BTBD1: variants seen among roughly 807,000 people sequenced by gnomAD.
The protein encoded by BTBD1 is BTB domain containing 1, also known as BTB/POZ domain-containing protein 1.
In BTBD1, 34 loss-of-function variants were observed where a neutral mutation model predicts 48.0. The ratio of observed to expected loss-of-function variants is 0.71; its 90% CI spans 0.54 to 0.94. The LOEUF (loss-of-function observed/expected upper bound fraction) is 0.94, where lower values mean the gene tolerates loss of function less well. BTBD1 is among the 40% of genes least tolerant of loss of function. BTBD1 has a pLI of 0.00. For missense variants in BTBD1, 543 were observed against 625.6 expected (o/e 0.87, Z 1.41); for synonymous variants, 261 against 242.1 (o/e 1.08, Z -0.72).
intron 3 of BTBD1, 26 bp downstream of exon 3, chr15:83,050,046 TA>T (rs1476401406): frequency 7.0e-7 from 1 of 1,434,296 alleles, no homozygotes; most frequent in African/African-American, 1.4e-5. Context: ...ACTTAAAATG[TA>T]ACAATTTACT....
At chr15:83,044,722 G>T in intron 3 of BTBD1, 4 of 1,469,748 alleles carry the variant, frequency 2.7e-6, no homozygotes, top group Non-Finnish European at 3.8e-6. Context: ...GTGGTGTACT[G>T]TGTCATGAAC....
At chr15:83,027,781 C>G (rs867647033) in intron 5 of BTBD1, among the ~76,000 whole-genome samples, 1 of 152,096 alleles carries the variant, frequency 6.6e-6, no homozygotes, top group Non-Finnish European at 1.5e-5. Flanking sequence ...TTAAAGAAAA[C>G]GTAAGTGGCA....
At chr15:83,057,804 C>G (rs145011926) in intron 1 of BTBD1, among the ~76,000 whole-genome samples, 3 of 152,378 alleles carry the variant, frequency 2.0e-5, no homozygotes, top group East Asian at 3.9e-4. Context: ...TAAACTCCGT[C>G]TCCAACTTCA....
Position 83,016,726 on chromosome 15 carries a change from G to C in BTBD1, c.*1341C>G, listed in dbSNP as rs529607551. 6.6e-6 allele frequency: 1 copy of C among 152,026 alleles called. No homozygotes were observed. The highest frequency in any genetic ancestry group is 1.9e-4 in the East Asian group (1 of 5,192). 9.4% of individuals were successfully genotyped at this position (152,026 alleles called of 1,614,324 possible). A position where few individuals can be genotyped will look rare whatever the true frequency, so the allele number is the denominator to read the frequency against. On this transcript the variant is annotated 3_prime_UTR_variant, in exon 8 of 8. Coordinates refer to ENST00000261721, the MANE Select transcript of BTBD1 (RefSeq NM_025238.4). Reference sequence around the variant, plus strand: ...TTCCATTTAACTGAGGTTTATATCCGTAAGAGCATTACCATAGAAAAATTT... The same window carrying C: ...TTCCATTTAACTGAGGTTTATATCCCTAAGAGCATTACCATAGAAAAATTT...
Position 83,029,862 on chromosome 15 carries a change from A to G in BTBD1, c.1055+274T>C. The stretch of plus-strand genomic sequence containing the variant: ...CCAGCCTGAGTGACAGAGCGACTCC[A>G]TCTTGGGGAAAAACAAAAAAATCAC... On this transcript the variant is annotated intron_variant, in intron 5 of 7. Transcript: ENST00000261721. The G allele has an allele frequency of 7.7e-6, 3 of 387,288 alleles. No homozygotes were observed. In the East Asian group the frequency reaches 1.7e-4, roughly 22 times the overall value. 24.0% of individuals were successfully genotyped at this position (387,288 alleles called of 1,614,324 possible).
At chr15:83,063,748 C>T (rs2033213221) in intron 1 of BTBD1, among the ~76,000 whole-genome samples, 1 of 152,208 alleles carries the variant, frequency 6.6e-6, no homozygotes, top group Non-Finnish European at 1.5e-5. Context: ...TCATTTTCTA[C>T]CACTTCCCTC....
In BTBD1 at chr15:83,054,176, C is replaced by A. The variant is rs1056492344; in HGVS notation, c.558+2213G>T. ...CAACATGGGGAAACCCCGTTCCTAC[C>A]AAAATAAAAAAATTAGCCAGGCGTG... is the stretch of plus-strand genomic sequence containing the variant. On this transcript the variant is annotated intron_variant, in intron 2 of 7. Transcript: ENST00000261721. 1.2e-4 allele frequency among the ~76,000 whole-genome samples: 18 copies of A among 151,936 alleles called. No individual in the cohort carries two copies. The South Asian group carries it at 3.7e-3, about 32-fold the overall frequency.
chr15:83,019,716 T>TC (rs1438121135), intron 6 of BTBD1, among the ~76,000 whole-genome samples: 1 of 150,226 alleles, frequency 6.7e-6, no homozygotes, highest in African/African-American at 2.5e-5. Flanking sequence ...TATCTCAGCC[T>TC]CCCGAGTAGC....
At chr15:83,032,332 A>C (rs2032533463) in intron 4 of BTBD1, among the ~76,000 whole-genome samples, 1 of 152,146 alleles carries the variant, frequency 6.6e-6, no homozygotes, top group African/African-American at 2.4e-5. Context: ...AAAAAAAAAA[A>C]AGAACTAAAA....
intron 4 of BTBD1, among the ~76,000 whole-genome samples, chr15:83,037,167 G>C (rs754283655): frequency 4.6e-5 from 7 of 151,876 alleles, no homozygotes; most frequent in Non-Finnish European, 1.0e-4. Flanking sequence ...ATCAATGTAA[G>C]ATAAACCAGT....
At chr15:83,018,359 G>C in intron 7 of BTBD1, 134 bp from the exon 8 acceptor site, 1 of 781,114 alleles carries the variant, frequency 1.3e-6, no homozygotes, top group Admixed American at 3.8e-5. Context: ...GTCATTTAGA[G>C]AAAAATGAAG....
At chr15:83,021,767 A>AATAATG (rs1555438326) in intron 5 of BTBD1, among the ~76,000 whole-genome samples, 1 of 148,310 alleles carries the variant, frequency 6.7e-6, no homozygotes, top group African/African-American at 2.6e-5. Flanking sequence ...TAATAATAAT[A>AATAATG]ATACATATGG....
intron 1 of BTBD1, 26 bp downstream of exon 1, chr15:83,066,725 C>A: frequency 7.7e-7 from 1 of 1,305,476 alleles, no homozygotes; most frequent in South Asian, 2.2e-5. Context: ...CCGGCCCGGC[C>A]CGGCCCGGCC....
chr15:83,062,236 T>C (rs924500305), intron 1 of BTBD1, among the ~76,000 whole-genome samples: 1 of 152,146 alleles, frequency 6.6e-6, no homozygotes, highest in Non-Finnish European at 1.5e-5. Context: ...TATACCAATA[T>C]TGGAGAGATC....
chr15:83,042,126 A>G (rs1223568111), intron 3 of BTBD1, among the ~76,000 whole-genome samples: 1 of 151,972 alleles, frequency 6.6e-6, no homozygotes, highest in Non-Finnish European at 1.5e-5. Flanking sequence ...TCAGTTTAAC[A>G]ATCAATTTAT....
rs762873150 is a variant in BTBD1 at position 83,050,219 on chromosome 15, T to C, written c.559-41A>G. 3.0e-6 allele frequency: 4 copies of C among 1,327,184 alleles called. No homozygotes were observed. In the Admixed American group the frequency reaches 7.0e-5, roughly 23 times the overall value. 82.2% of individuals were successfully genotyped at this position (1,327,184 alleles called of 1,614,324 possible). A position where few individuals can be genotyped will look rare whatever the true frequency, so the allele number is the denominator to read the frequency against. Reference sequence around the variant, plus strand: ...GATAGTTATTTAACTTTCATAGTTATTTTACCTTCAGACTGTACATATTTG... The same window carrying C: ...GATAGTTATTTAACTTTCATAGTTACTTTACCTTCAGACTGTACATATTTG... On this transcript the variant is annotated intron_variant, in intron 2 of 7. Coordinates refer to ENST00000261721, the MANE Select transcript of BTBD1 (RefSeq NM_025238.4).
At chr15:83,042,022 A>G (rs1298964350) in intron 3 of BTBD1, 97 bp from the exon 4 acceptor site, 7 of 989,792 alleles carry the variant, frequency 7.1e-6, no homozygotes, top group Non-Finnish European at 1.1e-5. Flanking sequence ...TTCAGATCTC[A>G]ACAAAAAATA....
chr15:83,045,248 C>A (rs901600271), intron 3 of BTBD1, among the ~76,000 whole-genome samples: 2 of 152,172 alleles, frequency 1.3e-5, no homozygotes, highest in Admixed American at 1.3e-4. Context: ...GTAATCCCAG[C>A]ACTTTGGGAG....
chr15:83,045,806 A>G (rs866772442), intron 3 of BTBD1, among the ~76,000 whole-genome samples: 48 of 152,238 alleles, frequency 3.2e-4, no homozygotes, highest in Middle Eastern at 6.8e-3. Flanking sequence ...AAACCAGAAG[A>G]CTTTGAACCT....
Sources: allele counts gnomAD v4.1 joint callset (sites outside exome capture counted in the v4.1 genomes callset), GRCh38; gene constraint gnomAD v4.1.1; transcripts MANE v1.5; gene names NCBI Gene and HGNC (gene_info 2026-07-23, HGNC 2026-07-21).